The following RP1 variants were observed in gnomAD, a reference collection of about 807,000 sequenced individuals.
RP1 encodes the protein oxygen-regulated protein 1.
RP1 carries 16 observed loss-of-function variants against 14.8 expected under a neutral mutation model. That is an observed-to-expected ratio of 1.08 (90% CI 0.73 to 1.65). The LOEUF (loss-of-function observed/expected upper bound fraction) is 1.65. Ranked by LOEUF, RP1 falls within the 40% of genes most tolerant of loss-of-function variation. The probability of loss-of-function intolerance (pLI) is 0.00; values close to 1 mark genes in which losing one functional copy is unlikely to be tolerated. For synonymous variants in RP1, 876 were observed against 883.6 expected, an observed-to-expected ratio of 0.99 and a Z score of 0.15; for missense variants, 2,631 against 2,535.0, an observed-to-expected ratio of 1.04 and a Z score of -0.81.
At chr8:54,683,927 C>A (rs1031284799) in intron 12 of RP1, among the ~76,000 whole-genome samples, 1 of 151,160 alleles carries the variant, frequency 6.6e-6, no homozygotes, top group Non-Finnish European at 1.5e-5. Flanking sequence ...ATGGTAGTGG[C>A]TGTGGGTTTG....
chr8:54,574,403 G>GT (rs1563315748), intron 1 of RP1, among the ~76,000 whole-genome samples: 1 of 152,154 alleles, frequency 6.6e-6, no homozygotes, highest in African/African-American at 2.4e-5. Context: ...GGAAAGGTCT[G>GT]TTAGAGGAAG....
intron 25 of RP1, among the ~76,000 whole-genome samples, chr8:54,842,919 C>G (rs1811819977): frequency 6.6e-6 from 1 of 152,182 alleles, no homozygotes; most frequent in Admixed American, 6.5e-5. Context: ...GCATGGTCAG[C>G]TCTTCATCTG....
chr8:54,607,610 G>GC (rs1249668459), intron 1 of RP1, among the ~76,000 whole-genome samples: 1 of 152,154 alleles, frequency 6.6e-6, no homozygotes, highest in Non-Finnish European at 1.5e-5. Context: ...GGTTTCTGCT[G>GC]CCTTTTATTT....
intron 6 of RP1, among the ~76,000 whole-genome samples, chr8:54,656,522 G>A (rs908494497): frequency 3.3e-5 from 5 of 151,762 alleles, no homozygotes; most frequent in Non-Finnish European, 7.4e-5. Context: ...TTCCTCCAGG[G>A]CTAAGAAATG....
intron 12 of RP1, among the ~76,000 whole-genome samples, chr8:54,684,792 T>A (rs576399546): frequency 6.6e-6 from 1 of 152,328 alleles, no homozygotes; most frequent in Admixed American, 6.5e-5. Flanking sequence ...ATATACACCA[T>A]GGAATACTAT....
chr8:54,704,749 C>A (rs1808109207), intron 14 of RP1, among the ~76,000 whole-genome samples: 1 of 152,126 alleles, frequency 6.6e-6, no homozygotes, highest in Admixed American at 6.6e-5. Context: ...TCTCCCAAAG[C>A]AACATAATTT....
In RP1 at chr8:54,627,006, G is replaced by T. The variant is rs771984186; in HGVS notation, c.3124G>T (p.Ala1042Ser). ...TCATAATACTAAAAGTCATATAGCT[G>T]CTGAAAAATCAGGACCAGAGAAAAA... ...NDHNTKSHIAAEKSGPEKKLV... is the reference protein window; with the variant it reads ...NDHNTKSHIASEKSGPEKKLV... The change falls in exon 4 of 4, where the codon GCT becomes TCT. Residue 1042 changes from alanine (A) to serine (S), a missense_variant. By Grantham distance (99) the Ala-to-Ser change is moderately conservative. Coordinates refer to ENST00000220676, the MANE Select transcript of RP1 (RefSeq NM_006269.2). 1.2e-5 allele frequency: 19 copies of T among 1,613,858 alleles called. No homozygotes were observed. The highest frequency in any genetic ancestry group is 2.2e-5 in the South Asian group (2 of 91,088).
intron 26 of RP1, among the ~76,000 whole-genome samples, chr8:54,853,279 C>T (rs1812097631): frequency 6.6e-6 from 1 of 152,132 alleles, no homozygotes; most frequent in Non-Finnish European, 1.5e-5. Flanking sequence ...CCTCTTGAAG[C>T]AGATCAGGGA....
intron 15 of RP1, among the ~76,000 whole-genome samples, chr8:54,719,885 C>G (rs933522110): frequency 6.6e-6 from 1 of 152,142 alleles, no homozygotes; most frequent in Admixed American, 6.5e-5. Flanking sequence ...TTAGTTGAAG[C>G]TCTTATGCTA....
At chr8:54,869,625 AC>A (rs1812535296) in intron 28 of RP1, among the ~76,000 whole-genome samples, 1 of 152,204 alleles carries the variant, frequency 6.6e-6, no homozygotes, top group Admixed American at 6.5e-5. Context: ...TTTAGAGTGA[AC>A]CAATATGACT....
At chr8:54,758,896 G>T (rs1005846780) in intron 21 of RP1, 23 of 1,533,984 alleles carry the variant, frequency 1.5e-5, no homozygotes, top group Non-Finnish European at 1.9e-5. Flanking sequence ...ATTTCTGTGG[G>T]TTTTTTTCTC....
chr8:54,696,542 T>A, intron 12 of RP1: 1 of 753,560 alleles, frequency 1.3e-6, no homozygotes, highest in Non-Finnish European at 2.3e-6. Flanking sequence ...AGGGCTCAGG[T>A]TTAAGTGACT....
At chr8:54,830,405 A>G (rs1303676987) in intron 24 of RP1, among the ~76,000 whole-genome samples, 4 of 151,908 alleles carry the variant, frequency 2.6e-5, no homozygotes, top group Non-Finnish European at 5.9e-5. Context: ...TACATTAGGT[A>G]TATTTCCTAA....
chr8:54,827,676 T>A (rs1811415417), intron 24 of RP1, among the ~76,000 whole-genome samples: 1 of 152,062 alleles, frequency 6.6e-6, no homozygotes. Context: ...AGACGGCAGA[T>A]CACCTGAGGT....
intron 12 of RP1, among the ~76,000 whole-genome samples, chr8:54,695,232 A>G (rs1219445349): frequency 1.3e-5 from 2 of 151,914 alleles, no homozygotes; most frequent in Non-Finnish European, 2.9e-5. Flanking sequence ...GGAATGCTTT[A>G]CTTCTTAAAA....
intron 20 of RP1, chr8:54,755,001 C>T: frequency 1.5e-6 from 2 of 1,371,474 alleles, no homozygotes; most frequent in East Asian, 2.8e-5. Flanking sequence ...CTTAAATTTG[C>T]TTCTAAGCTA....
At chr8:54,745,407 C>G (rs1297883508) in intron 19 of RP1, among the ~76,000 whole-genome samples, 1 of 152,164 alleles carries the variant, frequency 6.6e-6, no homozygotes, top group East Asian at 1.9e-4. Context: ...CTGTTCCAGT[C>G]AACTATTTTT....
chr8:54,598,109 T>A (rs920404957), intron 1 of RP1, among the ~76,000 whole-genome samples: 3 of 152,196 alleles, frequency 2.0e-5, no homozygotes, highest in African/African-American at 7.2e-5. Context: ...TTAAATCATA[T>A]AGCATATGAG....
At chr8:54,668,307 A>C (rs560861408) in intron 7 of RP1, among the ~76,000 whole-genome samples, 46 of 152,232 alleles carry the variant, frequency 3.0e-4, no homozygotes, top group African/African-American at 1.1e-3. Context: ...ACCTAGGAAT[A>C]CAACTTACAA....
Sources: gnomAD v4.1 joint callset for allele counts (sites outside exome capture counted in the v4.1 genomes callset) on GRCh38, gnomAD v4.1.1 for gene constraint, MANE v1.5 for transcripts, NCBI Gene and HGNC (gene_info 2026-07-23, HGNC 2026-07-21) for gene names.